Variants in KCTD16 observed in about 807,000 individuals in gnomAD.
KCTD16 encodes the protein potassium channel tetramerization domain containing 16, also known as BTB/POZ domain-containing protein KCTD16.
A neutral mutation model predicts 33.2 loss-of-function variants in KCTD16; 13 were observed. That is an observed-to-expected ratio of 0.39 (90% CI 0.25 to 0.62). The LOEUF (loss-of-function observed/expected upper bound fraction) is 0.62. KCTD16 is among the 20% of genes least tolerant of loss of function. KCTD16 has a pLI of 0.50. For missense variants in KCTD16, 441 were observed against 525.1 expected (o/e 0.84, Z 1.57); for synonymous variants, 197 against 195.3 (o/e 1.01, Z -0.07).
At chr5:144,224,556 G>A (rs188542212) in intron 3 of KCTD16, among the ~76,000 whole-genome samples, 8 of 151,924 alleles carry the variant, frequency 5.3e-5, no homozygotes, top group Admixed American at 1.3e-4. Context: ...AAACACAGCC[G>A]GAACACTTTC....
intron 3 of KCTD16, among the ~76,000 whole-genome samples, chr5:144,237,715 G>A (rs1233386383): frequency 6.6e-6 from 1 of 152,018 alleles, no homozygotes; most frequent in East Asian, 1.9e-4. Context: ...GAAGAAAATG[G>A]CTTATGCTTG....
chr5:144,354,917 G>A (rs1253660423), intron 3 of KCTD16, among the ~76,000 whole-genome samples: 2 of 152,086 alleles, frequency 1.3e-5, no homozygotes, highest in Non-Finnish European at 2.9e-5. Flanking sequence ...TTATTTGATG[G>A]CATTATAGCT....
intron 3 of KCTD16, among the ~76,000 whole-genome samples, chr5:144,232,253 G>A (rs1754124895): frequency 6.6e-6 from 1 of 152,152 alleles, no homozygotes; most frequent in South Asian, 2.1e-4. Flanking sequence ...TCATAAATAT[G>A]ATCCATAAGA....
At chr5:144,412,712 C>T (rs1240410898) in intron 3 of KCTD16, among the ~76,000 whole-genome samples, 2 of 151,982 alleles carry the variant, frequency 1.3e-5, no homozygotes, top group Admixed American at 1.3e-4. Flanking sequence ...ATGATGAACC[C>T]CCATCTCTAC....
intron 3 of KCTD16, among the ~76,000 whole-genome samples, chr5:144,383,463 A>G (rs777366057): frequency 2.0e-5 from 3 of 151,676 alleles, no homozygotes; most frequent in South Asian, 2.1e-4. Context: ...GAACTGCATC[A>G]TATGTTAATA....
At position 144,315,990 on chromosome 5, in the gene KCTD16, C is replaced by CTT. The variant is rs397885096; in HGVS notation, c.832+108457_832+108458dup. Among the ~76,000 whole-genome samples, 162 of 141,368 alleles carry CTT rather than the reference C, an allele frequency of 1.1e-3. 2 individuals are homozygous for CTT. Among genetic ancestry groups the CTT allele is most frequent in the African/African-American group, 4.1e-3 (158 of 38,840 alleles). The allele number at this position is 141,368 out of a possible 152,430, so 92.7% of individuals were successfully genotyped here. On this transcript the variant is annotated intron_variant, in intron 3 of 3. Coordinates refer to ENST00000512467, the MANE Select transcript of KCTD16 (RefSeq NM_020768.4). ...GTGGGGTAAATAAATTCTTCAAAGCCTTTTTTTTTTTTTTAAAAGGTCAGC... is the reference window on the plus strand; with the variant it reads ...GTGGGGTAAATAAATTCTTCAAAGCCTTTTTTTTTTTTTTTTAAAAGGTCAGC...
rs148474129 is a variant in KCTD16 at position 144,473,807 on chromosome 5, C to A, written c.980C>A (p.Thr327Lys). The stretch of plus-strand genomic sequence containing the variant: ...TCTGAGGCCAGCTCTCCCCAGGAGA[C>A]GGTCATCTGTGGTCCCGTGACACGC... Reference protein sequence around the residue: ...SQSEASSPQETVICGPVTRQT... With the variant: ...SQSEASSPQEKVICGPVTRQT... The change falls in exon 4 of 4, where the codon ACG (threonine) becomes AAG (lysine). Residue 327 changes from threonine (T) to lysine (K), a missense_variant. Physicochemically the swap from Thr to Lys is moderately conservative, Grantham distance 78. Around this residue, in one of 3 missense-constraint regions of KCTD16, gnomAD observed 355 missense variants for 413.0 expected, o/e 0.86. Coordinates refer to ENST00000512467, the MANE Select transcript of KCTD16 (RefSeq NM_020768.4). 6.2e-7 allele frequency: 1 copy of A among 1,613,996 alleles called. No individual in the cohort carries two copies. Among genetic ancestry groups the A allele is most frequent in the African/African-American group, 1.3e-5 (1 of 74,912 alleles).
At chr5:144,356,417 T>C (rs969477055) in intron 3 of KCTD16, among the ~76,000 whole-genome samples, 10 of 151,894 alleles carry the variant, frequency 6.6e-5, no homozygotes, top group Admixed American at 5.9e-4. Context: ...TGGTCTTCAG[T>C]TTTTTTTCAT....
chr5:144,274,432 G>A lies in KCTD16; in HGVS notation c.832+66886G>A, dbSNP rs562215262. Among the ~76,000 whole-genome samples, 4 of 152,142 alleles carry A rather than the reference G, an allele frequency of 2.6e-5. No individual in the cohort carries two copies. The South Asian group carries it at 8.3e-4, about 31-fold the overall frequency. ...TGCCTTACCAAGGCATGGTGATTCAGTCATTAAGAATGAGAAGGCAGAAGA... is the reference window on the plus strand; with the variant it reads ...TGCCTTACCAAGGCATGGTGATTCAATCATTAAGAATGAGAAGGCAGAAGA... On this transcript the variant is annotated intron_variant, in intron 3 of 3. Coordinates refer to ENST00000512467, the MANE Select transcript of KCTD16 (RefSeq NM_020768.4).
chr5:144,181,538 T>C (rs1242988153), intron 2 of KCTD16, among the ~76,000 whole-genome samples: 1 of 152,198 alleles, frequency 6.6e-6, no homozygotes, highest in Non-Finnish European at 1.5e-5. Flanking sequence ...CATCAGTGGA[T>C]GATTGAATAA....
chr5:144,381,988 A>G (rs539349818), intron 3 of KCTD16, among the ~76,000 whole-genome samples: 1 of 151,180 alleles, frequency 6.6e-6, no homozygotes, highest in East Asian at 2.0e-4. Context: ...GTTCCCATCA[A>G]CAGTGGACTG....
intron 3 of KCTD16, among the ~76,000 whole-genome samples, chr5:144,284,884 TG>T (rs1382962356): frequency 6.6e-6 from 1 of 152,202 alleles, no homozygotes; most frequent in Non-Finnish European, 1.5e-5. Flanking sequence ...CACCATAAAC[TG>T]GTTTCCTCAG....
chr5:144,212,433 G>A (rs189396540), intron 3 of KCTD16, among the ~76,000 whole-genome samples: 47 of 152,256 alleles, frequency 3.1e-4, no homozygotes, highest in Non-Finnish European at 5.7e-4. Context: ...TGGGTGAAAA[G>A]GAGAGGTCTC....
chr5:144,238,412 C>T (rs180771870), intron 3 of KCTD16, among the ~76,000 whole-genome samples: 1 of 152,208 alleles, frequency 6.6e-6, no homozygotes, highest in Non-Finnish European at 1.5e-5. Flanking sequence ...ATTTGCCTTT[C>T]ATTTAGGAGT....
chr5:144,282,002 T>A (rs144768294), intron 3 of KCTD16, among the ~76,000 whole-genome samples: 7 of 152,364 alleles, frequency 4.6e-5, no homozygotes, highest in Admixed American at 3.9e-4. Flanking sequence ...CTCTTAGTTT[T>A]CTGGCATATA....
At chr5:144,467,556 A>G (rs1754375411) in intron 3 of KCTD16, among the ~76,000 whole-genome samples, 1 of 152,188 alleles carries the variant, frequency 6.6e-6, no homozygotes, top group African/African-American at 2.4e-5. Flanking sequence ...CCGTGTTTAC[A>G]CATTATGGTG....
Position 144,197,849 on chromosome 5 carries a change from TG to T in KCTD16, c.-326-8537del, listed in dbSNP as rs147800403. Among the ~76,000 whole-genome samples, 44 of 152,322 alleles carry T rather than the reference TG, an allele frequency of 2.9e-4. No individual in the cohort carries two copies. In the East Asian group the frequency reaches 7.5e-3, roughly 26 times the overall value. Reference sequence around the variant, plus strand: ...AATGTATGTGGAATTGCCTGGCAATTGGGTCAGTTAATTTTATTAATTTGTT... The same window carrying T: ...AATGTATGTGGAATTGCCTGGCAATTGGTCAGTTAATTTTATTAATTTGTT... On this transcript the variant is annotated intron_variant, in intron 2 of 3. Transcript: ENST00000512467.
At chr5:144,294,433 T>C (rs1755980840) in intron 3 of KCTD16, among the ~76,000 whole-genome samples, 1 of 152,212 alleles carries the variant, frequency 6.6e-6, no homozygotes, top group South Asian at 2.1e-4. Context: ...AGATGTTTAA[T>C]GGTGCTCATG....
At chr5:144,435,619 G>C (rs921856234) in intron 3 of KCTD16, among the ~76,000 whole-genome samples, 2 of 152,184 alleles carry the variant, frequency 1.3e-5, no homozygotes, top group African/African-American at 2.4e-5. Context: ...CCGGAAATGG[G>C]ATTGCTAGGA....
Sources: allele counts gnomAD v4.1 joint callset (sites outside exome capture counted in the v4.1 genomes callset), GRCh38; gene constraint gnomAD v4.1.1; regional missense constraint gnomAD v4.1.1; transcripts MANE v1.5; gene names NCBI Gene and HGNC (gene_info 2026-07-23, HGNC 2026-07-21).